The following CR1L variants were observed in gnomAD, a reference collection of about 807,000 sequenced individuals.
The protein encoded by CR1L is complement component receptor 1-like protein.
A neutral mutation model predicts 62.3 loss-of-function variants in CR1L; 59 were observed. That is an observed-to-expected ratio of 0.95 (90% confidence interval 0.77 to 1.18). The LOEUF (loss-of-function observed/expected upper bound fraction) is 1.18. Among genes scored for constraint, CR1L ranks in the 50% most tolerant of loss-of-function variants. CR1L has a pLI of 0.00. For synonymous variants in CR1L, 279 were observed against 248.7 expected (o/e 1.12, Z -1.15); for missense variants, 700 against 702.8 (o/e 1.00, Z 0.04).
chr1:207,673,500 A>T (rs1663645083), intron 1 of CR1L, among the ~76,000 whole-genome samples: 1 of 152,242 alleles, frequency 6.6e-6, no homozygotes, highest in Admixed American at 6.5e-5. Context: ...CATGAAAGTG[A>T]TGATGTGTTA....
chr1:207,721,552 T>C (rs1438904669), intron 11 of CR1L, among the ~76,000 whole-genome samples: 1 of 149,940 alleles, frequency 6.7e-6, no homozygotes, highest in Admixed American at 6.6e-5. Context: ...TAGTATTCCA[T>C]GGTGTATATG....
intron 4 of CR1L, among the ~76,000 whole-genome samples, chr1:207,686,726 T>C (rs1384964069): frequency 6.6e-6 from 1 of 152,222 alleles, no homozygotes; most frequent in Non-Finnish European, 1.5e-5. Context: ...TTCATAAAGT[T>C]GTATATTACG....
Position 207,683,820 on chromosome 1 carries a change from G to A in CR1L, c.378-52G>A, listed in dbSNP as rs769398975. 2.0e-6 allele frequency: 3 copies of A among 1,509,752 alleles called. No individual in the cohort carries two copies. In the South Asian group the frequency reaches 3.5e-5, roughly 17 times the overall value. The allele number at this position is 1,509,752 out of a possible 1,614,324, so 93.5% of individuals were successfully genotyped here. ...ATCTCTGGAAGTAGTAATTTAATTG[G>A]GTAGTTGACCTGTGTATTTAGAATG... On this transcript the variant is annotated intron_variant, in intron 3 of 11. Coordinates refer to ENST00000508064, the MANE Select transcript of CR1L (RefSeq NM_175710.2).
At chr1:207,656,584 G>A (rs1663314892) in intron 1 of CR1L, among the ~76,000 whole-genome samples, 1 of 152,146 alleles carries the variant, frequency 6.6e-6, no homozygotes, top group African/African-American at 2.4e-5. Flanking sequence ...GCATGATGCT[G>A]GCATCTGCTG....
rs560265076 is a variant in CR1L, at chr1:207,657,079, C to T, written c.97+11749C>T. The T allele has an allele frequency of 2.7e-5, 17 of 624,336 alleles. No homozygotes were observed. The East Asian group carries it at 3.6e-4, about 13-fold the overall frequency. The allele number at this position is 624,336 out of a possible 1,614,324, so 38.7% of individuals were successfully genotyped here. Reference sequence around the variant, plus strand: ...AGACACAGAAATTTTACTAATGCTGCCTTAATCTTTTACATTTCTTTCCTC... The same window carrying T: ...AGACACAGAAATTTTACTAATGCTGTCTTAATCTTTTACATTTCTTTCCTC... On this transcript the variant is annotated intron_variant, in intron 1 of 11. Coordinates refer to ENST00000508064, the MANE Select transcript of CR1L (RefSeq NM_175710.2).
At chr1:207,649,801 A>G (rs1663194449) in intron 1 of CR1L, among the ~76,000 whole-genome samples, 1 of 152,224 alleles carries the variant, frequency 6.6e-6, no homozygotes, top group South Asian at 2.1e-4. Context: ...TCTGTCTTGG[A>G]AAAACCTTGA....
chr1:207,698,001 G>C, intron 7 of CR1L, 128 bp downstream of exon 7: 70 of 1,321,470 alleles, frequency 5.3e-5, no homozygotes, highest in South Asian at 3.4e-4. Flanking sequence ...CACACAATCA[G>C]AGAGATGAAC....
At chr1:207,713,327 A>T (rs1664391992) in intron 10 of CR1L, among the ~76,000 whole-genome samples, 1 of 152,260 alleles carries the variant, frequency 6.6e-6, no homozygotes, top group Non-Finnish European at 1.5e-5. Context: ...GGAAACTTAA[A>T]ACCAGTCAAT....
intron 4 of CR1L, among the ~76,000 whole-genome samples, chr1:207,687,069 A>G (rs150788329): frequency 2.0e-4 from 31 of 152,346 alleles, no homozygotes; most frequent in African/African-American, 5.8e-4. Flanking sequence ...CAGCACCGCC[A>G]ATTAATTCCG....
intron 3 of CR1L, 96 bp from the exon 4 acceptor site, chr1:207,683,776 T>C (rs778265358): frequency 7.5e-5 from 88 of 1,175,204 alleles, no homozygotes; most frequent in Non-Finnish European, 1.0e-4. Context: ...AATGTCCCTC[T>C]GAATTCTATA....
intron 1 of CR1L, chr1:207,657,495 AT>A (rs1663335493): frequency 2.3e-6 from 1 of 433,590 alleles, no homozygotes. Flanking sequence ...AGAGTTCTCT[AT>A]TTTTCACCCC....
chr1:207,676,253 T>TG (rs1311509757), intron 1 of CR1L, among the ~76,000 whole-genome samples: 1 of 152,146 alleles, frequency 6.6e-6, no homozygotes, highest in Non-Finnish European at 1.5e-5. Flanking sequence ...ATGCTGATTT[T>TG]TTTTTTAAAA....
intron 5 of CR1L, among the ~76,000 whole-genome samples, chr1:207,696,827 G>A (rs1379173151): frequency 6.6e-6 from 1 of 152,210 alleles, no homozygotes; most frequent in African/African-American, 2.4e-5. Flanking sequence ...CTTACAATAT[G>A]TTGTGTGAAA....
chr1:207,667,949 C>T (rs949604719), intron 1 of CR1L, among the ~76,000 whole-genome samples: 3 of 150,950 alleles, frequency 2.0e-5, no homozygotes, highest in Non-Finnish European at 2.9e-5. Context: ...CAGAGAAATA[C>T]AAAATAAAAC....
At chr1:207,669,608 G>T in intron 1 of CR1L, 1 of 1,181,480 alleles carries the variant, frequency 8.5e-7, no homozygotes, top group South Asian at 1.3e-5. Flanking sequence ...GGCTGACGAG[G>T]CACCCAGGGC....
chr1:207,707,671 T>A (rs78569669), intron 9 of CR1L, among the ~76,000 whole-genome samples: 5,179 of 152,170 alleles, frequency 0.034, 115 homozygotes, highest in Middle Eastern at 0.11. Context: ...ATATAATTTA[T>A]TTCAATCCAT....
intron 1 of CR1L, among the ~76,000 whole-genome samples, chr1:207,674,862 G>GTTTTT (rs67725956): frequency 6.7e-6 from 1 of 149,404 alleles, no homozygotes; most frequent in Non-Finnish European, 1.5e-5. Context: ...TGTTTTATTC[G>GTTTTT]TGTTTTTTTT....
At chr1:207,663,609 G>A (rs796266156) in intron 1 of CR1L, among the ~76,000 whole-genome samples, 20 of 152,300 alleles carry the variant, frequency 1.3e-4, no homozygotes, top group African/African-American at 4.3e-4. Context: ...GCGATGCCTC[G>A]CCCTGCTTCG....
chr1:207,686,167 CCTTCCT>C lies in CR1L; in HGVS notation c.463+2211_463+2216del, dbSNP rs1410880857. Among the ~76,000 whole-genome samples the C allele has an allele frequency of 5.6e-3, 545 of 96,766 alleles. 1 individual carries two copies. The highest frequency in any genetic ancestry group is 0.03 in the East Asian group (65 of 2,142). 63.5% of individuals were successfully genotyped at this position (96,766 alleles called of 152,430 possible). A position where few individuals can be genotyped will look rare whatever the true frequency, so the allele number is the denominator to read the frequency against. ...TCCTTCCTTCCTTCCTTCCTTCCTTCCTTCCTTCCTTCCCTCCTTCCCTCCTTCCCT... is the reference window on the plus strand; with the variant it reads ...TCCTTCCTTCCTTCCTTCCTTCCTTCTCCTTCCCTCCTTCCCTCCTTCCCT... On this transcript the variant is annotated intron_variant, in intron 4 of 11. Coordinates refer to ENST00000508064, the MANE Select transcript of CR1L (RefSeq NM_175710.2).
Sources: allele counts gnomAD v4.1 joint callset (sites outside exome capture counted in the v4.1 genomes callset), GRCh38; gene constraint gnomAD v4.1.1; transcripts MANE v1.5; gene names NCBI Gene and HGNC (gene_info 2026-07-23, HGNC 2026-07-21).